Variants in WWOX observed in about 807,000 individuals in gnomAD.
WWOX encodes the protein WW domain-containing oxidoreductase.
A neutral mutation model predicts 46.2 loss-of-function variants in WWOX; 69 were observed. The observed-to-expected ratio is 1.49, with a 90% CI of 1.23 to 1.82. The LOEUF is 1.82. Among genes scored for constraint, WWOX ranks in the 40% most tolerant of loss-of-function variants. WWOX has a pLI of 0.00. For missense variants in WWOX, 919 were observed against 542.6 expected (o/e 1.69, Z -6.89); for synonymous variants, 359 against 202.6 (o/e 1.77, Z -6.56).
chr16:79,076,506 C>T (rs1470598592), intron 8 of WWOX, among the ~76,000 whole-genome samples: 2 of 152,152 alleles, frequency 1.3e-5, no homozygotes, highest in Non-Finnish European at 2.9e-5. Context: ...TCCGGTGCAT[C>T]CTCCGTGCCA....
intron 8 of WWOX, among the ~76,000 whole-genome samples, chr16:79,014,012 A>T (rs1312132512): frequency 6.6e-6 from 1 of 152,118 alleles, no homozygotes; most frequent in South Asian, 2.1e-4. Context: ...TTGGCATGCG[A>T]TATGCTTCTC....
In WWOX at chr16:78,237,075, A is replaced by G. The variant is rs921585774; in HGVS notation, c.516+72786A>G. ...GGTGACAGAGTGAGACTCCGTCTCA[A>G]AAAAAAAAAAAAAAAAAAAAATCTG... On this transcript the variant is annotated intron_variant, in intron 5 of 8. Transcript: ENST00000566780. Among the ~76,000 whole-genome samples the G allele has an allele frequency of 5.3e-5, 6 of 112,802 alleles. 1 individual carries two copies. The highest frequency in any genetic ancestry group is 1.6e-4 in the Admixed American group (2 of 12,268). 74.0% of individuals were successfully genotyped at this position (112,802 alleles called of 152,430 possible).
intron 8 of WWOX, among the ~76,000 whole-genome samples, chr16:78,480,177 C>T (rs757398351): frequency 6.6e-6 from 1 of 152,292 alleles, no homozygotes; most frequent in African/African-American, 2.4e-5. Context: ...TTCAATTGCT[C>T]TGAAATAGCA....
intron 8 of WWOX, among the ~76,000 whole-genome samples, chr16:78,630,190 C>G (rs1303650117): frequency 6.6e-6 from 1 of 152,088 alleles, no homozygotes; most frequent in Non-Finnish European, 1.5e-5. Context: ...TTGTGTATTC[C>G]TCATCTGGCT....
At chr16:78,553,589 A>G (rs2044223008) in intron 8 of WWOX, among the ~76,000 whole-genome samples, 1 of 152,158 alleles carries the variant, frequency 6.6e-6, no homozygotes, top group Admixed American at 6.5e-5. Flanking sequence ...AAAGCCTACA[A>G]GGGAGCAGGT....
chr16:78,491,099 C>G (rs188570384), intron 8 of WWOX, among the ~76,000 whole-genome samples: 1 of 152,162 alleles, frequency 6.6e-6, no homozygotes, highest in Non-Finnish European at 1.5e-5. Context: ...GCCCTCTCCC[C>G]GAGGCTGCCT....
At chr16:78,233,040 A>C (rs900218389) in intron 5 of WWOX, among the ~76,000 whole-genome samples, 2 of 152,202 alleles carry the variant, frequency 1.3e-5, no homozygotes, top group East Asian at 3.9e-4. Flanking sequence ...AAGGATATTC[A>C]GTGCTTCCAC....
chr16:79,093,157 G>GA (rs981972160), intron 8 of WWOX, among the ~76,000 whole-genome samples: 2 of 151,654 alleles, frequency 1.3e-5, no homozygotes, highest in South Asian at 2.1e-4. Flanking sequence ...ACTTCTAAAG[G>GA]AAAAAAAATG....
intron 8 of WWOX, among the ~76,000 whole-genome samples, chr16:78,716,661 C>T (rs1048984031): frequency 5.9e-5 from 9 of 151,936 alleles, no homozygotes; most frequent in African/African-American, 1.9e-4. Flanking sequence ...TGTGCTGCTC[C>T]TTGGGTGACA....
chr16:78,142,791 A>T (rs1382700344), intron 4 of WWOX, among the ~76,000 whole-genome samples: 1 of 151,782 alleles, frequency 6.6e-6, no homozygotes, highest in Non-Finnish European at 1.5e-5. Flanking sequence ...TTTAAACAAG[A>T]TAGAGTTTTT....
intron 1 of WWOX, among the ~76,000 whole-genome samples, chr16:78,106,521 A>G (rs1161715386): frequency 1.3e-5 from 2 of 150,488 alleles, no homozygotes; most frequent in South Asian, 2.1e-4. Flanking sequence ...GGTTGAAGCA[A>G]TTCTCCTGCC....
intron 8 of WWOX, among the ~76,000 whole-genome samples, chr16:79,074,097 C>T (rs1005446453): frequency 2.0e-5 from 3 of 151,972 alleles, no homozygotes; most frequent in African/African-American, 4.8e-5. Context: ...TGCTTTGTGG[C>T]CCTTTTCTTT....
intron 8 of WWOX, chr16:78,826,101 A>C: frequency 3.1e-6 from 1 of 322,500 alleles, no homozygotes; most frequent in Non-Finnish European, 5.6e-6. Context: ...AATGCCTGTA[A>C]TCCCAGCACT....
At chr16:78,970,645 C>T (rs1166374793) in intron 8 of WWOX, among the ~76,000 whole-genome samples, 1 of 152,066 alleles carries the variant, frequency 6.6e-6, no homozygotes, top group East Asian at 1.9e-4. Context: ...AGTGTAATGC[C>T]AGAATCATGA....
At chr16:78,862,264 C>G (rs1235416398) in intron 8 of WWOX, among the ~76,000 whole-genome samples, 1 of 151,236 alleles carries the variant, frequency 6.6e-6, no homozygotes, top group Admixed American at 6.6e-5. Flanking sequence ...CTGTCTGTAC[C>G]TATACACACC....
At chr16:78,676,230 C>T (rs1048100705) in intron 8 of WWOX, among the ~76,000 whole-genome samples, 1 of 151,550 alleles carries the variant, frequency 6.6e-6, no homozygotes, top group Non-Finnish European at 1.5e-5. Context: ...GCAGAAGAAG[C>T]GGGATGCTCT....
intron 8 of WWOX, among the ~76,000 whole-genome samples, chr16:78,799,672 C>T (rs767561291): frequency 1.3e-5 from 2 of 152,084 alleles, no homozygotes; most frequent in Non-Finnish European, 2.9e-5. Context: ...TGCATACTGA[C>T]CTTTCTGCTC....
At chr16:79,189,303 G>A (rs1032270281) in intron 8 of WWOX, among the ~76,000 whole-genome samples, 13 of 151,770 alleles carry the variant, frequency 8.6e-5, no homozygotes, top group African/African-American at 2.9e-4. Flanking sequence ...TGTCACCCAG[G>A]CTGGAGTACA....
chr16:79,031,694 G>A (rs1000275725), intron 8 of WWOX, among the ~76,000 whole-genome samples: 10 of 148,000 alleles, frequency 6.8e-5, no homozygotes, highest in African/African-American at 2.5e-4. Flanking sequence ...TTAAATAGTG[G>A]ATGTATTTTT....
Sources: allele counts gnomAD v4.1 joint callset (sites outside exome capture counted in the v4.1 genomes callset), GRCh38; gene constraint gnomAD v4.1.1; transcripts MANE v1.5; gene names NCBI Gene and HGNC (gene_info 2026-07-23, HGNC 2026-07-21).